The following SHOX2 variants were observed in gnomAD, a reference collection of about 807,000 sequenced individuals.
SHOX2 encodes the protein SHOX homeobox 2, also known as short stature homeobox protein 2.
In SHOX2, 13 loss-of-function variants were observed where a neutral mutation model predicts 31.3. That is an observed-to-expected ratio of 0.42 (90% confidence interval 0.27 to 0.66). SHOX2 has a LOEUF of 0.66. Ranked by LOEUF, SHOX2 falls within the 30% of genes least tolerant of loss-of-function variation. The pLI is 0.27. For missense variants in SHOX2, 473 were observed against 443.0 expected (o/e 1.07, Z -0.61); for synonymous variants, 244 against 196.2 (o/e 1.24, Z -2.04).
rs769658802 is a variant in SHOX2 at position 158,096,889 on chromosome 3, AATATATATATATATATAT to A, written c.*1120_*1137del. 42 of 23,098 alleles carry A rather than the reference AATATATATATATATATAT, an allele frequency of 1.8e-3. 1 individual carries two copies. Among genetic ancestry groups the A allele is most frequent in the African/African-American group, 2.1e-3 (13 of 6,312 alleles). 1.4% of individuals were successfully genotyped at this position (23,098 alleles called of 1,614,324 possible). ...GTTCCCCAGGATCAAAGACAGGGCA[AATATATATATATATATAT>A]ATATATATATATATATATATATATG... On this transcript the variant is annotated 3_prime_UTR_variant, in exon 5 of 5. Coordinates refer to ENST00000483851, the MANE Select transcript of SHOX2 (RefSeq NM_001163678.2).
chr3:158,098,340 G>GA (rs1343870221), intron 4 of SHOX2, 56 bp from the exon 5 acceptor site: 1 of 1,582,488 alleles, frequency 6.3e-7, no homozygotes, highest in East Asian at 2.3e-5. Context: ...CAACAGAATA[G>GA]AAACAGAGCA....
chr3:158,099,986 C>T (rs563838005), intron 3 of SHOX2, 38 bp from the exon 4 acceptor site: 185 of 1,555,146 alleles, frequency 1.2e-4, no homozygotes, highest in Non-Finnish European at 1.5e-4. Flanking sequence ...GTGAGGTTAA[C>T]GTTTGTAGCA....
rs1215107644 is a variant in SHOX2, at chr3:158,101,314, C to T, written c.556-1003G>A. On this transcript the variant is annotated intron_variant, in intron 2 of 4. Transcript: ENST00000483851. Reference sequence around the variant, plus strand: ...TCAAAAATTTCTCTGCTATTTAGTACAACAGAGGGTGGATTTTGTGCCAGG... The same window carrying T: ...TCAAAAATTTCTCTGCTATTTAGTATAACAGAGGGTGGATTTTGTGCCAGG... Among the ~76,000 whole-genome samples the T allele has an allele frequency of 5.9e-5, 9 of 152,314 alleles. No homozygotes were observed. The East Asian group carries it at 1.5e-3, about 26-fold the overall frequency.
In SHOX2 at chr3:158,106,113, C is replaced by A. The variant is rs190128197; in HGVS notation, c.-89G>T. 5,795 of 1,573,438 alleles carry A rather than the reference C, an allele frequency of 3.7e-3. 15 individuals are homozygous for A. The highest frequency in any genetic ancestry group is 4.6e-3 in the Non-Finnish European group (5,313 of 1,160,388). ...TTCTTTTTTTACTGCTCCAGCCCCC[C>A]CAATAATAACACATCAATGGGACAG... On this transcript the variant is annotated 5_prime_UTR_variant, in exon 1 of 5. Coordinates refer to ENST00000483851, the MANE Select transcript of SHOX2 (RefSeq NM_001163678.2).
At chr3:158,105,189 G>A in intron 1 of SHOX2, 2 of 1,055,960 alleles carry the variant, frequency 1.9e-6, no homozygotes, top group Non-Finnish European at 2.9e-6. Context: ...GCTCTGCGGA[G>A]TTCGAGGGGT....
rs752172982 is a variant in SHOX2, at chr3:158,106,045, G to A, written c.-21C>T. On this transcript the variant is annotated 5_prime_UTR_variant, in exon 1 of 5. Coordinates refer to ENST00000483851, the MANE Select transcript of SHOX2 (RefSeq NM_001163678.2). ...TCCATCGCCGCCGCACGTCAGCCCG[G>A]CGCTCAACCTCTGCCAGCAGAGCCC... is the stretch of plus-strand genomic sequence containing the variant. 3.1e-6 allele frequency: 5 copies of A among 1,611,750 alleles called. No homozygotes were observed. The South Asian group carries it at 5.5e-5, about 18-fold the overall frequency.
chr3:158,105,911 C>T lies in SHOX2; in HGVS notation c.114G>A (p.Lys38=), dbSNP rs1713894994. 1 of 1,602,990 alleles carries T rather than the reference C, an allele frequency of 6.2e-7. No individual in the cohort carries two copies. The highest frequency in any genetic ancestry group is 1.4e-5 in the African/African-American group (1 of 73,702). ...CCGCCTCGGTGCAGCCGGTCGGCTCCTTGGCCCCGCGCAGCGGCCCGCTCT... is the reference window on the plus strand; with the variant it reads ...CCGCCTCGGTGCAGCCGGTCGGCTCTTTGGCCCCGCGCAGCGGCCCGCTCT... The part of the protein sequence containing the change: ...VLESGPLRGA[K]EPTGCTEAGR... Residue 38 remains lysine, a synonymous_variant, in exon 1 of 5, where the codon AAG becomes AAA. Coordinates refer to ENST00000483851, the MANE Select transcript of SHOX2 (RefSeq NM_001163678.2).
intron 1 of SHOX2, chr3:158,103,100 C>A (rs373679179): frequency 3.3e-6 from 2 of 601,360 alleles, no homozygotes; most frequent in Admixed American, 2.8e-5. Flanking sequence ...CAAGTCTGAG[C>A]GGCCGCCTGG....
chr3:158,101,393 C>G (rs1247713640), intron 2 of SHOX2, among the ~76,000 whole-genome samples: 2 of 152,068 alleles, frequency 1.3e-5, no homozygotes, highest in Non-Finnish European at 2.9e-5. Flanking sequence ...TTTTTTTCCC[C>G]TAGAAGAGTT....
chr3:158,100,168 T>C, intron 3 of SHOX2, 86 bp downstream of exon 3: 1 of 1,169,446 alleles, frequency 8.6e-7, no homozygotes, highest in Non-Finnish European at 1.2e-6. Flanking sequence ...TTTTTGAGGT[T>C]CCTTTTTTTC....
At position 158,098,125 on chromosome 3, in the gene SHOX2, C is replaced by T; in HGVS notation, c.862G>A (p.Val288Met). Residue 288 changes from valine to methionine, a missense_variant, in exon 5 of 5, where the codon GTG (valine) becomes ATG (methionine). Physicochemically the swap from Val to Met is conservative, Grantham distance 21 (BLOSUM62 1). Transcript: ENST00000483851. ...AADSASAASV[V>M]AAAAAAKTTS... ...GTCTTGGCGGCTGCTGCGGCCGCCACTACCGAGGCGGCGGAAGCCGAATCC... is the reference window on the plus strand; with the variant it reads ...GTCTTGGCGGCTGCTGCGGCCGCCATTACCGAGGCGGCGGAAGCCGAATCC... The T allele has an allele frequency of 1.2e-6, 2 of 1,613,270 alleles. No individual in the cohort carries two copies. The highest frequency in any genetic ancestry group is 1.7e-4 in the Middle Eastern group (1 of 6,032).
chr3:158,105,942 A>C lies in SHOX2; in HGVS notation c.83T>G (p.Val28Gly). The C allele has an allele frequency of 6.2e-7, 1 of 1,611,436 alleles. No individual in the cohort carries two copies. The highest frequency in any genetic ancestry group is 8.5e-7 in the Non-Finnish European group (1 of 1,179,270). Reference sequence around the variant, plus strand: ...CCCGCGCAGCGGCCCGCTCTCCAGCACCTCCCGGTACGTGATCGCCTCCTT... The same window carrying C: ...CCCGCGCAGCGGCCCGCTCTCCAGCCCCTCCCGGTACGTGATCGCCTCCTT... Reference protein sequence around the residue: ...EKKEAITYREVLESGPLRGAK... With the variant: ...EKKEAITYREGLESGPLRGAK... Residue 28 changes from valine (V) to glycine (G), a missense_variant, in exon 1 of 5, where the codon GTG (valine) becomes GGG (glycine). Val to Gly is a moderately radical substitution (Grantham distance 109, BLOSUM62 -3). Around this residue, in one of 3 missense-constraint regions of SHOX2, gnomAD observed 276 missense variants for 230.0 expected, o/e 1.20. Coordinates refer to ENST00000483851, the MANE Select transcript of SHOX2 (RefSeq NM_001163678.2).
chr3:158,103,557 G>A (rs934969763), intron 1 of SHOX2: 1 of 152,830 alleles, frequency 6.5e-6, no homozygotes, highest in African/African-American at 2.4e-5. Context: ...AAGGTCCCCT[G>A]GACAGCCAGG....
chr3:158,103,134 A>G, intron 1 of SHOX2: 1 of 564,088 alleles, frequency 1.8e-6, no homozygotes, highest in Non-Finnish European at 3.2e-6. Context: ...GTCATCCACC[A>G]CCTCCTTCAC....
In SHOX2 at chr3:158,096,364, G is replaced by T. The variant is rs922526981; in HGVS notation, c.*1663C>A. ...GGGATACAGACTGGCTTAGTCCAAG[G>T]TATCCCAGTTTAAATAGCTACATGA... On this transcript the variant is annotated 3_prime_UTR_variant, in exon 5 of 5. Coordinates refer to ENST00000483851, the MANE Select transcript of SHOX2 (RefSeq NM_001163678.2). 6.8e-6 allele frequency: 1 copy of T among 147,748 alleles called. No individual in the cohort carries two copies. The highest frequency in any genetic ancestry group is 1.5e-5 in the Non-Finnish European group (1 of 67,342). The allele number at this position is 147,748 out of a possible 1,614,324, so 9.2% of individuals were successfully genotyped here.
chr3:158,096,991 ATT>A lies in SHOX2; in HGVS notation c.*1034_*1035del, dbSNP rs1161250536. ...ATATCAATTTCCAGATACTTTTGGT[ATT>A]GTTTTTCATAGTGAAGATGAAAATG... On this transcript the variant is annotated 3_prime_UTR_variant, in exon 5 of 5. Coordinates refer to ENST00000483851, the MANE Select transcript of SHOX2 (RefSeq NM_001163678.2). 1 of 136,056 alleles carries A rather than the reference ATT, an allele frequency of 7.3e-6. No homozygotes were observed. The highest frequency in any genetic ancestry group is 7.7e-5 in the Admixed American group (1 of 13,050). The allele number at this position is 136,056 out of a possible 1,614,324, so 8.4% of individuals were successfully genotyped here. A position where few individuals can be genotyped will look rare whatever the true frequency, so the allele number is the denominator to read the frequency against.
intron 4 of SHOX2, 78 bp from the exon 5 acceptor site, chr3:158,098,362 C>T: frequency 6.5e-7 from 1 of 1,544,284 alleles, no homozygotes; most frequent in Non-Finnish European, 8.8e-7. Context: ...TAACGGCGTC[C>T]AGCTTGGCCA....
At chr3:158,099,306 A>G (rs1713334498) in intron 4 of SHOX2, among the ~76,000 whole-genome samples, 1 of 152,236 alleles carries the variant, frequency 6.6e-6, no homozygotes, top group African/African-American at 2.4e-5. Flanking sequence ...TGGCTAAGGG[A>G]TTGCAAAGGC....
rs11456911 is a variant in SHOX2 at position 158,096,441 on chromosome 3, C to CA, written c.*1585dup. On this transcript the variant is annotated 3_prime_UTR_variant, in exon 5 of 5. Transcript: ENST00000483851. ...AAAAAACAAAAAAGAAACAAACAAACAAAAAAAAAAGGTTACTTGAATAGA... is the reference window on the plus strand; with the variant it reads ...AAAAAACAAAAAAGAAACAAACAAACAAAAAAAAAAAGGTTACTTGAATAGA... 51,518 of 132,508 alleles carry CA rather than the reference C, an allele frequency of 0.39. 9,174 individuals carry two copies. The highest frequency in any genetic ancestry group is 0.55 in the South Asian group (2,441 of 4,450). 8.2% of individuals were successfully genotyped at this position (132,508 alleles called of 1,614,324 possible). A position where few individuals can be genotyped will look rare whatever the true frequency, so the allele number is the denominator to read the frequency against.
Sources: allele counts gnomAD v4.1 joint callset (sites outside exome capture counted in the v4.1 genomes callset), GRCh38; gene constraint gnomAD v4.1.1; regional missense constraint gnomAD v4.1.1; transcripts MANE v1.5; gene names NCBI Gene and HGNC (gene_info 2026-07-23, HGNC 2026-07-21).